FMN1: variants seen among roughly 807,000 people sequenced by gnomAD.
FMN1 encodes the protein formin-1.
A neutral mutation model predicts 132.4 loss-of-function variants in FMN1; 110 were observed. The ratio of observed to expected loss-of-function variants is 0.83; its 90% CI spans 0.71 to 0.97. FMN1 has a LOEUF of 0.97. Ranked by LOEUF, FMN1 falls within the 50% of genes least tolerant of loss-of-function variation. The pLI, the probability that FMN1 is intolerant of heterozygous loss-of-function variation, is 0.00. For missense variants in FMN1, 1,792 were observed against 1,705.3 expected (o/e 1.05, Z -0.90); for synonymous variants, 722 against 651.7 (o/e 1.11, Z -1.64).
At chr15:32,858,911 T>A (rs970102092) in intron 16 of FMN1, among the ~76,000 whole-genome samples, 1 of 152,200 alleles carries the variant, frequency 6.6e-6, no homozygotes, top group Non-Finnish European at 1.5e-5. Context: ...AGTATATCCT[T>A]CCCACTACCA....
intron 7 of FMN1, among the ~76,000 whole-genome samples, chr15:32,997,545 G>A (rs1040801176): frequency 6.6e-6 from 1 of 152,114 alleles, no homozygotes; most frequent in Non-Finnish European, 1.5e-5. Flanking sequence ...GACTCCGCTG[G>A]GTCTCAGGTA....
chr15:32,837,920 T>A (rs1254758314), intron 17 of FMN1, among the ~76,000 whole-genome samples: 1 of 152,178 alleles, frequency 6.6e-6, no homozygotes, highest in East Asian at 1.9e-4. Flanking sequence ...AAGACTATCA[T>A]TTCCACAGTC....
intron 7 of FMN1, among the ~76,000 whole-genome samples, chr15:32,985,742 G>GT (rs35893952): frequency 0.82 from 123,956 of 151,922 alleles, 50,731 homozygotes; most frequent in East Asian, 0.97. Context: ...CACAGACATG[G>GT]AAGTTTGTTT....
intron 17 of FMN1, among the ~76,000 whole-genome samples, chr15:32,828,642 T>C (rs1010879677): frequency 6.6e-6 from 1 of 152,180 alleles, no homozygotes; most frequent in Non-Finnish European, 1.5e-5. Flanking sequence ...AGGCTACTCA[T>C]CTCCCCTGAG....
rs2056251004 is a variant in FMN1, at chr15:32,771,702, A to C, written c.*2608T>G. The C allele has an allele frequency of 6.6e-6, 1 of 152,222 alleles. No individual in the cohort carries two copies. Among genetic ancestry groups the C allele is most frequent in the Non-Finnish European group, 1.5e-5 (1 of 68,076 alleles). 9.4% of individuals were successfully genotyped at this position (152,222 alleles called of 1,614,324 possible). ...TAAAGCCTGCTGGCAGGATGTGCTT[A>C]AGCTGCCAAATGGCATCCCGATCAC... On this transcript the variant is annotated 3_prime_UTR_variant, in exon 21 of 21. Transcript: ENST00000616417.
rs2056332491 is a variant in FMN1, at chr15:32,774,009, A to G, written c.*301T>C. On this transcript the variant is annotated 3_prime_UTR_variant, in exon 21 of 21. Coordinates refer to ENST00000616417, the MANE Select transcript of FMN1 (RefSeq NM_001277313.2). ...AGCTGGAAATCTCAGCTTTTAAAAA[A>G]ATTTTGGAAACATTTTGGTATTTCT... The G allele has an allele frequency of 5.2e-6, 2 of 388,178 alleles. No individual in the cohort carries two copies. The highest frequency in any genetic ancestry group is 9.1e-6 in the Non-Finnish European group (2 of 219,528). 24.0% of individuals were successfully genotyped at this position (388,178 alleles called of 1,614,324 possible).
At chr15:32,966,402 A>C (rs1052790459) in intron 8 of FMN1, among the ~76,000 whole-genome samples, 3 of 152,128 alleles carry the variant, frequency 2.0e-5, no homozygotes, top group African/African-American at 7.2e-5. Flanking sequence ...GGCAATAATA[A>C]GGACGTGCTT....
chr15:33,032,016 C>A (rs1271311702), intron 6 of FMN1, among the ~76,000 whole-genome samples: 1 of 152,150 alleles, frequency 6.6e-6, no homozygotes, highest in Non-Finnish European at 1.5e-5. Flanking sequence ...TCATTAACAA[C>A]AAAAATAATA....
rs68023229 is a variant in FMN1 at position 32,956,360 on chromosome 15, CTTTT to C, written c.3138+7743_3138+7746del. Among the ~76,000 whole-genome samples the C allele has an allele frequency of 1.8e-3, 272 of 147,500 alleles. 2 individuals carry two copies. The highest frequency in any genetic ancestry group is 6.1e-3 in the African/African-American group (250 of 40,826). ...TCATATTTGACAAGTCCTAACCACT[CTTTT>C]TTTTTTTTAAAAAAATAAGCAAATA... On this transcript the variant is annotated intron_variant, in intron 9 of 20. Transcript: ENST00000616417.
intron 7 of FMN1, among the ~76,000 whole-genome samples, chr15:32,981,878 T>C (rs1003420444): frequency 1.3e-5 from 2 of 152,164 alleles, no homozygotes; most frequent in Non-Finnish European, 2.9e-5. Flanking sequence ...AACAGCATGA[T>C]CCATTTAAAA....
At chr15:32,863,616 G>A (rs1208026513) in intron 16 of FMN1, among the ~76,000 whole-genome samples, 2 of 152,166 alleles carry the variant, frequency 1.3e-5, no homozygotes, top group African/African-American at 4.8e-5. Context: ...TTCTTAATGG[G>A]TATGGCACGC....
At chr15:33,143,081 G>A (rs922095472) in intron 4 of FMN1, among the ~76,000 whole-genome samples, 15 of 152,154 alleles carry the variant, frequency 9.9e-5, no homozygotes, top group Admixed American at 9.8e-4. Context: ...ATCATATGTT[G>A]TAAAGTTATT....
intron 8 of FMN1, among the ~76,000 whole-genome samples, chr15:32,965,459 G>A (rs1051168623): frequency 1.3e-5 from 2 of 152,078 alleles, no homozygotes; most frequent in African/African-American, 4.8e-5. Flanking sequence ...TATACTTATT[G>A]TTTATCAAAC....
At chr15:33,084,997 G>A (rs996527597) in intron 5 of FMN1, among the ~76,000 whole-genome samples, 1 of 152,220 alleles carries the variant, frequency 6.6e-6, no homozygotes, top group Non-Finnish European at 1.5e-5. Context: ...GGCAGTGCTG[G>A]TCCAATGTCT....
In FMN1 at chr15:32,827,646, C is replaced by T. The variant is rs527617176; in HGVS notation, c.3929-23314G>A. Among the ~76,000 whole-genome samples, 25 of 151,292 alleles carry T rather than the reference C, an allele frequency of 1.7e-4. No individual in the cohort carries two copies. The South Asian group carries it at 4.0e-3, about 24-fold the overall frequency. ...CAGGTGGATCATCAGGTCAGGAGAT[C>T]GAGACCATCCTGGCTAACATCCGTC... On this transcript the variant is annotated intron_variant, in intron 17 of 20. Coordinates refer to ENST00000616417, the MANE Select transcript of FMN1 (RefSeq NM_001277313.2).
intron 4 of FMN1, among the ~76,000 whole-genome samples, chr15:33,144,636 T>TG (rs1363939129): frequency 4.4e-3 from 224 of 51,462 alleles, no homozygotes; most frequent in Middle Eastern, 0.019. Context: ...AGACTCCGTC[T>TG]GAAAAAAAAA....
At chr15:33,055,440 G>A (rs773267397) in intron 6 of FMN1, among the ~76,000 whole-genome samples, 6 of 151,884 alleles carry the variant, frequency 4.0e-5, no homozygotes, top group Non-Finnish European at 7.4e-5. Context: ...ATGTTGTCAG[G>A]TTTTGTGTTT....
intron 9 of FMN1, among the ~76,000 whole-genome samples, chr15:32,939,125 AC>A (rs1337773997): frequency 6.6e-6 from 1 of 152,312 alleles, no homozygotes; most frequent in East Asian, 1.9e-4. Flanking sequence ...AATACTGTAA[AC>A]CTTTATTCCT....
chr15:33,063,124 G>A (rs576554916), intron 6 of FMN1: 3 of 152,396 alleles, frequency 2.0e-5, no homozygotes, highest in African/African-American at 7.2e-5. Context: ...TAACTGTGCA[G>A]GGGATCTTCT....
Sources: allele counts gnomAD v4.1 joint callset (sites outside exome capture counted in the v4.1 genomes callset), GRCh38; gene constraint gnomAD v4.1.1; transcripts MANE v1.5; gene names NCBI Gene and HGNC (gene_info 2026-07-23, HGNC 2026-07-21).